ZNF613: variants seen among roughly 807,000 people sequenced by gnomAD.
ZNF613 encodes the protein zinc finger protein 613.
A neutral mutation model predicts 14.3 loss-of-function variants in ZNF613; 8 were observed. The ratio of observed to expected loss-of-function variants is 0.56; its 90% CI spans 0.33 to 1.01. The LOEUF (loss-of-function observed/expected upper bound fraction) is 1.01. ZNF613 is among the 50% of genes least tolerant of loss of function. The pLI, the probability that ZNF613 is intolerant of heterozygous loss-of-function variation, is 0.03. For missense variants in ZNF613, 656 were observed against 741.9 expected, an observed-to-expected ratio of 0.88 and a Z score of 1.35; for synonymous variants, 228 against 254.5, an observed-to-expected ratio of 0.90 and a Z score of 0.99.
At position 51,945,164 on chromosome 19, in the gene ZNF613, C is replaced by G. The variant is rs764981899; in HGVS notation, c.1281C>G (p.Pro427=). ...IHRRTHTGEK[P]YVCNECGKGF... is the part of the protein sequence containing the mutation. The stretch of plus-strand genomic sequence containing the variant: ...GACGTACTCACACTGGAGAGAAACC[C>G]TATGTATGCAATGAATGTGGGAAAG... The change falls in exon 6 of 6, where the codon CCC becomes CCG. Residue 427 remains proline (P), a synonymous_variant. Coordinates refer to ENST00000293471, the MANE Select transcript of ZNF613 (RefSeq NM_001031721.4). 1.2e-6 allele frequency: 2 copies of G among 1,614,108 alleles called. No individual in the cohort carries two copies. The highest frequency in any genetic ancestry group is 1.7e-6 in the Non-Finnish European group (2 of 1,179,998).
At chr19:51,935,516 G>A (rs1049888682) in intron 2 of ZNF613, among the ~76,000 whole-genome samples, 7 of 152,182 alleles carry the variant, frequency 4.6e-5, no homozygotes, top group African/African-American at 1.7e-4. Context: ...AATAATGATT[G>A]ATACTTTATA....
chr19:51,929,476 TTTACTC>T (rs2122802748), intron 1 of ZNF613, among the ~76,000 whole-genome samples: 1 of 152,330 alleles, frequency 6.6e-6, no homozygotes, highest in African/African-American at 2.4e-5. Context: ...TCTCTTCTAA[TTTACTC>T]TTACATAGAA....
intron 5 of ZNF613, among the ~76,000 whole-genome samples, chr19:51,943,110 A>C (rs566497400): frequency 1.7e-3 from 252 of 152,354 alleles, no homozygotes; most frequent in Non-Finnish European, 3.2e-3. Context: ...CTTTGTAGAA[A>C]GTATACAGGA....
At chr19:51,937,316 T>C (rs1270925801) in intron 3 of ZNF613, among the ~76,000 whole-genome samples, 1 of 152,204 alleles carries the variant, frequency 6.6e-6, no homozygotes, top group African/African-American at 2.4e-5. Context: ...TCTTGTGGGA[T>C]TGAAACCTTA....
At chr19:51,940,736 G>C in intron 5 of ZNF613, 27 bp downstream of exon 5, 1 of 1,580,664 alleles carries the variant, frequency 6.3e-7, no homozygotes, top group Non-Finnish European at 8.6e-7. Context: ...AGCCAGCAAG[G>C]AGGGTGGCTG....
chr19:51,944,807 A>C lies in ZNF613; in HGVS notation c.924A>C (p.Arg308Ser), dbSNP rs182832956. The C allele has an allele frequency of 1.5e-5, 24 of 1,613,796 alleles. No homozygotes were observed. The East Asian group carries it at 1.8e-4, about 12-fold the overall frequency. The change falls in exon 6 of 6, where the codon AGA becomes AGC. Residue 308 changes from arginine to serine, a missense_variant. Coordinates refer to ENST00000293471, the MANE Select transcript of ZNF613 (RefSeq NM_001031721.4). The stretch of plus-strand genomic sequence containing the variant: ...AGTCTCGGCTCATTAATCATCAGAG[A>C]GTTCATACAGGAGAGAAACCACATG... ...IKKSRLINHQRVHTGEKPHGC... is the reference protein window; with the variant it reads ...IKKSRLINHQSVHTGEKPHGC...
chr19:51,945,563 T>TGA lies in ZNF613; in HGVS notation c.1681_1682dup (p.Asp561GlufsTer13). On this transcript the variant is annotated frameshift_variant, in exon 6 of 6. Transcript: ENST00000293471. LOFTEE classifies it low-confidence loss of function (END_TRUNC). The stretch of plus-strand genomic sequence containing the variant: ...AGAGTCATAGCTTATCACATACACG[T>TGA]GATCTCATACAGGATAAAGACTCTG... 1 of 1,614,164 alleles carries TGA rather than the reference T, an allele frequency of 6.2e-7. No individual in the cohort carries two copies. The highest frequency in any genetic ancestry group is 2.2e-5 in the East Asian group (1 of 44,880).
At chr19:51,933,336 CAA>C (rs1235166014) in intron 2 of ZNF613, among the ~76,000 whole-genome samples, 2 of 152,240 alleles carry the variant, frequency 1.3e-5, no homozygotes, top group Admixed American at 1.3e-4. Flanking sequence ...TTCTGCTTCA[CAA>C]AGTGTTTGAG....
intron 1 of ZNF613, among the ~76,000 whole-genome samples, chr19:51,928,714 G>A (rs1206566037): frequency 6.6e-6 from 1 of 151,964 alleles, no homozygotes; most frequent in Non-Finnish European, 1.5e-5. Context: ...TATTAACTGG[G>A]TGTGGTAACA....
chr19:51,945,829 C>A lies in ZNF613; in HGVS notation c.*92C>A. 3 of 1,430,330 alleles carry A rather than the reference C, an allele frequency of 2.1e-6. No homozygotes were observed. The highest frequency in any genetic ancestry group is 1.2e-5 in the South Asian group (1 of 81,144). The allele number at this position is 1,430,330 out of a possible 1,614,324, so 88.6% of individuals were successfully genotyped here. A position where few individuals can be genotyped will look rare whatever the true frequency, so the allele number is the denominator to read the frequency against. On this transcript the variant is annotated 3_prime_UTR_variant, in exon 6 of 6. Coordinates refer to ENST00000293471, the MANE Select transcript of ZNF613 (RefSeq NM_001031721.4). ...ACACAGAGGAACAAACTGATATATT[C>A]AAGGTGGAAAGCCCTTGAATAAAAC...
At chr19:51,938,725 G>GACATATATATATATAT (rs1555756064) in intron 3 of ZNF613, among the ~76,000 whole-genome samples, 2 of 118,894 alleles carry the variant, frequency 1.7e-5, no homozygotes, top group Admixed American at 8.0e-5. Flanking sequence ...AATGTACATG[G>GACATATATATATATAT]ATATATATAT....
At chr19:51,943,089 C>T (rs1369779646) in intron 5 of ZNF613, among the ~76,000 whole-genome samples, 1 of 152,172 alleles carries the variant, frequency 6.6e-6, no homozygotes, top group East Asian at 1.9e-4. Flanking sequence ...TTAAAAGGAT[C>T]ACTTTGACTA....
chr19:51,931,919 A>G (rs933413289), intron 2 of ZNF613, among the ~76,000 whole-genome samples: 1 of 152,184 alleles, frequency 6.6e-6, no homozygotes, highest in African/African-American at 2.4e-5. Flanking sequence ...CAAAAACAAA[A>G]GAGTATATTT....
Position 51,945,111 on chromosome 19 carries a change from A to C in ZNF613, c.1228A>C (p.Ile410Leu). The change falls in exon 6 of 6, where the codon ATC (isoleucine) becomes CTC (leucine). Residue 410 changes from isoleucine to leucine, a missense_variant. Transcript: ENST00000293471. ...ATGCAATGAATGTGGAAAAGGCTTC[A>C]TCCAAAAGGGCAACCTCCTTATTCA... Reference protein sequence around the residue: ...YICNECGKGFIQKGNLLIHRR... With the variant: ...YICNECGKGFLQKGNLLIHRR... 3 of 1,614,210 alleles carry C rather than the reference A, an allele frequency of 1.9e-6. No individual in the cohort carries two copies. The highest frequency in any genetic ancestry group is 1.7e-6 in the Non-Finnish European group (2 of 1,180,022).
chr19:51,941,086 C>T (rs1330778908), intron 5 of ZNF613, among the ~76,000 whole-genome samples: 3 of 152,082 alleles, frequency 2.0e-5, no homozygotes, highest in African/African-American at 4.8e-5. Context: ...CCCGCCACTA[C>T]GCCCAGCTAA....
rs977431418 is a variant in ZNF613, at chr19:51,944,734, G to C, written c.851G>C (p.Gly284Ala). 1.9e-6 allele frequency: 3 copies of C among 1,613,236 alleles called. No homozygotes were observed. Among genetic ancestry groups the C allele is most frequent in the Non-Finnish European group, 2.5e-6 (3 of 1,179,900 alleles). Residue 284 changes from glycine to alanine, a missense_variant, in exon 6 of 6, where the codon GGA becomes GCA. Physicochemically the swap from Gly to Ala is moderately conservative, Grantham distance 60. Coordinates refer to ENST00000293471, the MANE Select transcript of ZNF613 (RefSeq NM_001031721.4). ...QLNAHQKIHT[G>A]EKSYICSDCG... ...AATGCACACCAGAAAATTCATACAG[G>C]AGAGAAGTCATATATATGCAGTGAT...
At position 51,940,192 on chromosome 19, in the gene ZNF613, G is replaced by C. The variant is rs2085336008; in HGVS notation, c.16-17G>C. ...TGAGAGAAATACTTCATATTAAGCA[G>C]GACTCTCTTATTACAGGAATCACTG... On this transcript the variant is annotated splice_polypyrimidine_tract_variant and intron_variant, in intron 3 of 5. Coordinates refer to ENST00000293471, the MANE Select transcript of ZNF613 (RefSeq NM_001031721.4). The C allele has an allele frequency of 6.2e-7, 1 of 1,612,348 alleles. No homozygotes were observed. Among genetic ancestry groups the C allele is most frequent in the Non-Finnish European group, 8.5e-7 (1 of 1,178,994 alleles).
chr19:51,935,838 A>G (rs181838866), intron 2 of ZNF613, among the ~76,000 whole-genome samples, 190 bp from the exon 3 acceptor site: 1 of 152,284 alleles, frequency 6.6e-6, no homozygotes, highest in Non-Finnish European at 1.5e-5. Context: ...TTGTAAATGT[A>G]TTGGCCATAC....
intron 1 of ZNF613, among the ~76,000 whole-genome samples, chr19:51,928,942 GTTC>G (rs2085242095): frequency 6.6e-6 from 1 of 151,816 alleles, no homozygotes; most frequent in Admixed American, 6.6e-5. Context: ...AAAGATTTTC[GTTC>G]TTCTTCCTCA....
Sources: gnomAD v4.1 joint callset for allele counts (sites outside exome capture counted in the v4.1 genomes callset) on GRCh38, gnomAD v4.1.1 for gene constraint, MANE v1.5 for transcripts, NCBI Gene and HGNC (gene_info 2026-07-23, HGNC 2026-07-21) for gene names.